Variants in ITGA9 observed in about 807,000 individuals in gnomAD.
The protein encoded by ITGA9 is integrin subunit alpha 9.
In ITGA9, 56 loss-of-function variants were observed where a neutral mutation model predicts 127.8. That is an observed-to-expected ratio of 0.44 (90% CI 0.35 to 0.55). ITGA9 has a LOEUF of 0.55. ITGA9 is among the 20% of genes least tolerant of loss of function. The pLI is 0.00. For missense variants in ITGA9, 1,196 were observed against 1,347.1 expected (o/e 0.89, Z 1.76); for synonymous variants, 508 against 514.5 (o/e 0.99, Z 0.17).
chr3:37,708,943 C>A (rs1276510463), intron 18 of ITGA9, among the ~76,000 whole-genome samples: 2 of 152,080 alleles, frequency 1.3e-5, no homozygotes, highest in Non-Finnish European at 2.9e-5. Flanking sequence ...AGGGTTTTGT[C>A]ACCAGACTTT....
intron 17 of ITGA9, 93 bp from the exon 18 acceptor site, chr3:37,683,772 G>C: frequency 7.6e-7 from 1 of 1,310,756 alleles, no homozygotes; most frequent in Non-Finnish European, 1.1e-6. Context: ...TTCTGATCTC[G>C]GTTTCTGCCC....
Position 37,629,273 on chromosome 3 carries a change from A to C in ITGA9, c.1776A>C (p.Glu592Asp), listed in dbSNP as rs751461118. ...SEHVTGEEER[E>D]LPPLTPVLRW... is the part of the protein sequence containing the mutation. ...ATGTGACTGGAGAGGAGGAGAGGGA[A>C]CTGCCGCCTCTGACACCAGTTCTCC... Residue 592 changes from glutamate to aspartate, a missense_variant, in exon 16 of 28, where the codon GAA becomes GAC. Transcript: ENST00000264741. This position sits in a 1 kb window ranked among gnomAD's most constrained non-coding sequence, Gnocchi z 4.5. 1 of 1,614,072 alleles carries C rather than the reference A, an allele frequency of 6.2e-7. No individual in the cohort carries two copies. The highest frequency in any genetic ancestry group is 8.5e-7 in the Non-Finnish European group (1 of 1,180,024).
intron 5 of ITGA9, among the ~76,000 whole-genome samples, chr3:37,495,685 G>A (rs1431302199): frequency 6.6e-6 from 1 of 152,078 alleles, no homozygotes; most frequent in African/African-American, 2.4e-5. Flanking sequence ...TGTCTATTAT[G>A]CTTTTTTAAA....
intron 15 of ITGA9, among the ~76,000 whole-genome samples, chr3:37,547,855 CAAAG>C (rs1375905029): frequency 6.6e-6 from 1 of 152,152 alleles, no homozygotes; most frequent in Non-Finnish European, 1.5e-5. Context: ...TAAAAGTTGT[CAAAG>C]AAAGGATGTC....
intron 15 of ITGA9, among the ~76,000 whole-genome samples, chr3:37,587,940 G>A (rs1305998544): frequency 1.3e-5 from 2 of 152,160 alleles, no homozygotes; most frequent in Non-Finnish European, 2.9e-5. Context: ...AGAGTGGCAT[G>A]CAGTGGCAGA....
At chr3:37,482,177 T>A (rs1559517205) in intron 4 of ITGA9, among the ~76,000 whole-genome samples, 1 of 152,226 alleles carries the variant, frequency 6.6e-6, no homozygotes, top group Non-Finnish European at 1.5e-5. Flanking sequence ...CTCTGAACTT[T>A]CAGCATTTCA....
chr3:37,578,751 C>T (rs1699677054), intron 15 of ITGA9, among the ~76,000 whole-genome samples: 1 of 152,102 alleles, frequency 6.6e-6, no homozygotes, highest in Non-Finnish European at 1.5e-5. Context: ...TCTCAGCAGG[C>T]TCCTGTGTCT....
intron 15 of ITGA9, among the ~76,000 whole-genome samples, chr3:37,614,222 A>G (rs1700051863): frequency 6.6e-6 from 1 of 152,158 alleles, no homozygotes; most frequent in Non-Finnish European, 1.5e-5. Context: ...TAAATAGGGA[A>G]TCCTTTCCCC....
chr3:37,497,749 T>C (rs1289050968), intron 5 of ITGA9, among the ~76,000 whole-genome samples: 1 of 152,206 alleles, frequency 6.6e-6, no homozygotes, highest in African/African-American at 2.4e-5. Flanking sequence ...ACTATGGCTG[T>C]TGTTCCTCCA....
At chr3:37,561,209 T>A (rs1038120877) in intron 15 of ITGA9, among the ~76,000 whole-genome samples, 1 of 152,202 alleles carries the variant, frequency 6.6e-6, no homozygotes, top group Non-Finnish European at 1.5e-5. Flanking sequence ...ATAGCCAAAA[T>A]GTTATTATTT....
intron 1 of ITGA9, among the ~76,000 whole-genome samples, chr3:37,469,952 T>A (rs1246139250): frequency 1.3e-5 from 2 of 151,998 alleles, no homozygotes; most frequent in Non-Finnish European, 2.9e-5. Context: ...CCTGCCACCA[T>A]GCCCAGCTAA....
intron 1 of ITGA9, among the ~76,000 whole-genome samples, chr3:37,464,787 C>T (rs978129307): frequency 6.6e-6 from 1 of 152,230 alleles, no homozygotes; most frequent in African/African-American, 2.4e-5. Flanking sequence ...ATAAGAAGAG[C>T]TTATGAGGCC....
intron 15 of ITGA9, among the ~76,000 whole-genome samples, chr3:37,584,780 A>G (rs2125611723): frequency 6.6e-6 from 1 of 152,126 alleles, no homozygotes; most frequent in East Asian, 1.9e-4. Context: ...TATTATTAAT[A>G]ATAATACAGT....
In ITGA9 at chr3:37,707,303, T is replaced by C. The variant is rs563229900; in HGVS notation, c.2067+23288T>C. On this transcript the variant is annotated intron_variant, in intron 18 of 27. Coordinates refer to ENST00000264741, the MANE Select transcript of ITGA9 (RefSeq NM_002207.3). The stretch of plus-strand genomic sequence containing the variant: ...TAATTTAGTAATGTTTAGTAATTTT[T>C]TCAACAAGTTCTTTTCTGTTTAAGT... Among the ~76,000 whole-genome samples, 407 of 152,364 alleles carry C rather than the reference T, an allele frequency of 2.7e-3. 3 individuals are homozygous for C. Among genetic ancestry groups the C allele is most frequent in the African/African-American group, 9.4e-3 (389 of 41,592 alleles).
chr3:37,726,255 A>C (rs1346715209), intron 18 of ITGA9, among the ~76,000 whole-genome samples: 1 of 152,232 alleles, frequency 6.6e-6, no homozygotes, highest in Non-Finnish European at 1.5e-5. Flanking sequence ...TGTCTGGAAG[A>C]AGGAAAGGGT....
At chr3:37,781,729 A>C (rs1350607203) in intron 25 of ITGA9, among the ~76,000 whole-genome samples, 2 of 152,242 alleles carry the variant, frequency 1.3e-5, no homozygotes, top group African/African-American at 4.8e-5. Flanking sequence ...TAAATGTGTT[A>C]ATCTGTACAA....
intron 13 of ITGA9, among the ~76,000 whole-genome samples, chr3:37,529,368 G>A (rs2125585024): frequency 6.6e-6 from 1 of 152,280 alleles, no homozygotes; most frequent in East Asian, 1.9e-4. Flanking sequence ...CAAGCAGAGT[G>A]AGGCCTGAGA....
At chr3:37,793,505 C>G (rs1391664673) in intron 26 of ITGA9, among the ~76,000 whole-genome samples, 1 of 151,304 alleles carries the variant, frequency 6.6e-6, no homozygotes, top group Non-Finnish European at 1.5e-5. Context: ...CTGAAGAGGT[C>G]AAGACAGGTT....
At chr3:37,508,677 T>C in intron 8 of ITGA9, 50 bp downstream of exon 8, 4 of 1,484,608 alleles carry the variant, frequency 2.7e-6, no homozygotes, top group Non-Finnish European at 3.8e-6. Context: ...GATGTGATCA[T>C]GTGGGAGTCA....
Sources: gnomAD v4.1 joint callset for allele counts (sites outside exome capture counted in the v4.1 genomes callset) on GRCh38, gnomAD v4.1.1 for gene constraint, Gnocchi (gnomAD v3.1) non-coding constraint, MANE v1.5 for transcripts, NCBI Gene and HGNC (gene_info 2026-07-23, HGNC 2026-07-21) for gene names.